The following SPIDR variants were observed in gnomAD, a reference collection of about 807,000 sequenced individuals.
The protein encoded by SPIDR is scaffold protein involved in DNA repair, also known as DNA repair-scaffolding protein.
In SPIDR, 93 loss-of-function variants were observed where a neutral mutation model predicts 104.6. The observed-to-expected ratio is 0.89, with a 90% CI of 0.75 to 1.06. SPIDR has a LOEUF of 1.06. SPIDR is among the 50% of genes least tolerant of loss of function. The pLI is 0.00. For missense variants in SPIDR, 1,154 were observed against 1,111.2 expected (o/e 1.04, Z -0.55); for synonymous variants, 431 against 416.9 (o/e 1.03, Z -0.41).
At chr8:47,626,454 C>T (rs2066127088) in intron 10 of SPIDR, among the ~76,000 whole-genome samples, 1 of 152,160 alleles carries the variant, frequency 6.6e-6, no homozygotes. Flanking sequence ...AACAGGCAAC[C>T]TACAGAACGG....
intron 8 of SPIDR, among the ~76,000 whole-genome samples, chr8:47,504,610 C>T (rs1156287279): frequency 6.6e-6 from 1 of 152,138 alleles, no homozygotes. Context: ...GTAGTTTGAT[C>T]ATCTGAAGCC....
intron 11 of SPIDR, among the ~76,000 whole-genome samples, chr8:47,695,552 C>T (rs979577536): frequency 7.2e-5 from 11 of 152,110 alleles, no homozygotes; most frequent in African/African-American, 2.2e-4. Flanking sequence ...TTAAATTGTC[C>T]TGTGAAGATT....
chr8:47,580,834 C>T (rs1266224301), intron 8 of SPIDR, among the ~76,000 whole-genome samples: 1 of 152,062 alleles, frequency 6.6e-6, no homozygotes, highest in Non-Finnish European at 1.5e-5. Context: ...GAGACCCTTG[C>T]ACATGTCAGA....
At chr8:47,616,258 A>T (rs560306316) in intron 10 of SPIDR, among the ~76,000 whole-genome samples, 14 of 152,032 alleles carry the variant, frequency 9.2e-5, no homozygotes, top group African/African-American at 3.4e-4. Context: ...TCTTGGGGAG[A>T]GCTCTCATTC....
In SPIDR at chr8:47,735,743, GA is replaced by G. The variant is rs953436723; in HGVS notation, c.*300del. On this transcript the variant is annotated 3_prime_UTR_variant, in exon 20 of 20. Coordinates refer to ENST00000297423, the MANE Select transcript of SPIDR (RefSeq NM_001080394.4). ...CATTTGGTATTTAGGCAATATATGA[GA>G]AAAAAATTTTTTTTGTTCATTTGTA... is the stretch of plus-strand genomic sequence containing the variant. The G allele has an allele frequency of 2.6e-5, 16 of 618,990 alleles. No individual in the cohort carries two copies. Among genetic ancestry groups the G allele is most frequent in the Middle Eastern group, 4.5e-4 (1 of 2,244 alleles). The allele number at this position is 618,990 out of a possible 1,614,324, so 38.3% of individuals were successfully genotyped here. A position where few individuals can be genotyped will look rare whatever the true frequency, so the allele number is the denominator to read the frequency against.
At chr8:47,418,685 C>T (rs928006345) in intron 7 of SPIDR, among the ~76,000 whole-genome samples, 4 of 152,148 alleles carry the variant, frequency 2.6e-5, no homozygotes, top group Non-Finnish European at 4.4e-5. Flanking sequence ...AGAGGGCATC[C>T]CTGTCTTGTG....
chr8:47,639,928 CA>C (rs777519014), intron 10 of SPIDR, among the ~76,000 whole-genome samples: 4,336 of 127,706 alleles, frequency 0.034, 132 homozygotes, highest in African/African-American at 0.1. Context: ...GCCTGGGTGA[CA>C]AAAAAAAAAA....
chr8:47,280,315 C>G (rs1360101121), intron 2 of SPIDR, among the ~76,000 whole-genome samples: 1 of 151,174 alleles, frequency 6.6e-6, no homozygotes, highest in Non-Finnish European at 1.5e-5. Flanking sequence ...GCAATCATAG[C>G]TCATGGCATC....
intron 5 of SPIDR, among the ~76,000 whole-genome samples, chr8:47,307,024 A>T (rs1172002301): frequency 1.3e-5 from 2 of 152,070 alleles, no homozygotes; most frequent in African/African-American, 4.8e-5. Context: ...ATCCTCCTCC[A>T]TTCTGTCAAT....
At chr8:47,354,753 T>C (rs540539034) in intron 5 of SPIDR, among the ~76,000 whole-genome samples, 1 of 152,276 alleles carries the variant, frequency 6.6e-6, no homozygotes, top group South Asian at 2.1e-4. Flanking sequence ...GTGATCCTCC[T>C]GCCTCAGCCT....
At chr8:47,488,924 C>T (rs569314451) in intron 8 of SPIDR, among the ~76,000 whole-genome samples, 91 of 152,228 alleles carry the variant, frequency 6.0e-4, no homozygotes, top group South Asian at 5.6e-3. Flanking sequence ...TGGAAGCATT[C>T]CCTTTGAAAA....
chr8:47,317,328 C>A lies in SPIDR; in HGVS notation c.525+23298C>A, dbSNP rs931045686. On this transcript the variant is annotated intron_variant, in intron 5 of 19. Transcript: ENST00000297423. The stretch of plus-strand genomic sequence containing the variant: ...GTATCCCACGCCTGGCTCGGAGGGT[C>A]CTACACCTGCGGAGCCTCGCTCATT... Among the ~76,000 whole-genome samples, 4 of 152,032 alleles carry A rather than the reference C, an allele frequency of 2.6e-5. No individual in the cohort carries two copies. In the East Asian group the frequency reaches 7.8e-4, roughly 30 times the overall value.
At chr8:47,647,647 AGAGAGAGG>A (rs796770011) in intron 10 of SPIDR, among the ~76,000 whole-genome samples, 13 of 144,746 alleles carry the variant, frequency 9.0e-5, no homozygotes, top group Admixed American at 4.1e-4. Flanking sequence ...AGAGAGAGAG[AGAGAGAGG>A]GAGAGAGAGA....
intron 5 of SPIDR, among the ~76,000 whole-genome samples, chr8:47,316,555 A>G (rs1359629486): frequency 6.6e-6 from 1 of 152,210 alleles, no homozygotes; most frequent in African/African-American, 2.4e-5. Flanking sequence ...TACATCAACA[A>G]CATAATGAAT....
chr8:47,577,902 C>G (rs894447228), intron 8 of SPIDR, among the ~76,000 whole-genome samples: 1 of 152,114 alleles, frequency 6.6e-6, no homozygotes, highest in Non-Finnish European at 1.5e-5. Flanking sequence ...TTCCTGCAAA[C>G]ATTTGAAAAT....
At chr8:47,509,051 G>A (rs1354221291) in intron 8 of SPIDR, among the ~76,000 whole-genome samples, 2 of 152,140 alleles carry the variant, frequency 1.3e-5, no homozygotes, top group Admixed American at 1.3e-4. Flanking sequence ...CTGTCGTGCT[G>A]GATCCCTCTA....
intron 14 of SPIDR, among the ~76,000 whole-genome samples, chr8:47,703,963 A>G (rs2154484815): frequency 6.6e-6 from 1 of 152,360 alleles, no homozygotes; most frequent in Admixed American, 6.5e-5. Flanking sequence ...GTGCTGCGCA[A>G]GAACACAGCG....
chr8:47,709,399 C>G (rs1409837803), intron 14 of SPIDR, among the ~76,000 whole-genome samples: 1 of 152,226 alleles, frequency 6.6e-6, no homozygotes, highest in African/African-American at 2.4e-5. Flanking sequence ...CTCTGCCTCC[C>G]AAAGTGCTGG....
chr8:47,548,886 A>G (rs541380138), intron 8 of SPIDR, among the ~76,000 whole-genome samples: 1 of 152,270 alleles, frequency 6.6e-6, no homozygotes, highest in East Asian at 1.9e-4. Flanking sequence ...CATCATTTAC[A>G]TTAGGTATAT....
Sources: allele counts gnomAD v4.1 joint callset (sites outside exome capture counted in the v4.1 genomes callset), GRCh38; gene constraint gnomAD v4.1.1; transcripts MANE v1.5; gene names NCBI Gene and HGNC (gene_info 2026-07-23, HGNC 2026-07-21).